The following MRPL22 variants were observed in gnomAD, a reference collection of about 807,000 sequenced individuals.
The protein encoded by MRPL22 is large ribosomal subunit protein uL22m.
A neutral mutation model predicts 32.4 loss-of-function variants in MRPL22; 27 were observed. The ratio of observed to expected loss-of-function variants is 0.83; its 90% CI spans 0.61 to 1.15. The LOEUF is 1.15. Ranked by LOEUF, MRPL22 falls within the 50% of genes most tolerant of loss-of-function variation. The pLI is 0.00. For synonymous variants in MRPL22, 86 were observed against 87.3 expected (o/e 0.99, Z 0.08); for missense variants, 239 against 260.2 (o/e 0.92, Z 0.56).
At position 154,954,856 on chromosome 5, in the gene MRPL22, A is replaced by G. The variant is rs188894409; in HGVS notation, c.196-1515A>G. Among the ~76,000 whole-genome samples the G allele has an allele frequency of 9.4e-3, 1,424 of 152,160 alleles. 20 individuals carry two copies. The highest frequency in any genetic ancestry group is 0.016 in the Non-Finnish European group (1,087 of 67,984). On this transcript the variant is annotated intron_variant, in intron 3 of 6. Transcript: ENST00000523037. Reference sequence around the variant, plus strand: ...GCCCAGGCTGGAGTGCAGTGGCGCAATCTCAGCTCACTACAAGCTCCACCT... The same window carrying G: ...GCCCAGGCTGGAGTGCAGTGGCGCAGTCTCAGCTCACTACAAGCTCCACCT...
chr5:154,966,973 G>A lies in MRPL22; in HGVS notation c.*76G>A. Reference sequence around the variant, plus strand: ...AAATAAACAAAAATTGAAGGCAAATGCTTTTTATGATTTCTCATTGAATTA... The same window carrying A: ...AAATAAACAAAAATTGAAGGCAAATACTTTTTATGATTTCTCATTGAATTA... On this transcript the variant is annotated 3_prime_UTR_variant, in exon 7 of 7. Transcript: ENST00000523037. The A allele has an allele frequency of 7.3e-7, 1 of 1,378,098 alleles. No homozygotes were observed. Among genetic ancestry groups the A allele is most frequent in the Non-Finnish European group, 9.8e-7 (1 of 1,016,456 alleles). The allele number at this position is 1,378,098 out of a possible 1,614,324, so 85.4% of individuals were successfully genotyped here. A position where few individuals can be genotyped will look rare whatever the true frequency, so the allele number is the denominator to read the frequency against.
chr5:154,960,475 C>T (rs1582694508), intron 6 of MRPL22, among the ~76,000 whole-genome samples: 1 of 152,154 alleles, frequency 6.6e-6, no homozygotes, highest in East Asian at 1.9e-4. Context: ...TAAAGGTGTC[C>T]TGTAATTTAA....
intron 2 of MRPL22, among the ~76,000 whole-genome samples, chr5:154,943,678 A>C (rs932617439): frequency 6.8e-6 from 1 of 146,316 alleles, no homozygotes; most frequent in South Asian, 2.1e-4. Context: ...AGATATTAAA[A>C]TTTTTTTTTT....
intron 3 of MRPL22, among the ~76,000 whole-genome samples, chr5:154,951,882 ATT>A (rs34804035): frequency 8.1e-5 from 10 of 123,064 alleles, no homozygotes; most frequent in Non-Finnish European, 7.0e-5. Context: ...GAAATCACGT[ATT>A]TTTTTTTTTT....
intron 4 of MRPL22, 150 bp downstream of exon 4, chr5:154,956,586 C>T: frequency 1.7e-6 from 1 of 598,742 alleles, no homozygotes. Context: ...AATGATTGTT[C>T]AGAGATGTAT....
At chr5:154,952,893 G>A (rs1368638845) in intron 3 of MRPL22, among the ~76,000 whole-genome samples, 1 of 152,108 alleles carries the variant, frequency 6.6e-6, no homozygotes, top group Non-Finnish European at 1.5e-5. Context: ...AAATAACAGT[G>A]GATGGGATAG....
intron 2 of MRPL22, among the ~76,000 whole-genome samples, chr5:154,946,785 C>T (rs570944269): frequency 2.0e-5 from 3 of 152,304 alleles, no homozygotes; most frequent in African/African-American, 7.2e-5. Flanking sequence ...CGCACCATTG[C>T]ATTCCAGCCT....
intron 5 of MRPL22, 88 bp downstream of exon 5, chr5:154,957,300 T>G: frequency 9.1e-7 from 1 of 1,103,582 alleles, no homozygotes; most frequent in Admixed American, 2.0e-5. Flanking sequence ...GCCTAAATCA[T>G]GAATTCCCTA....
At chr5:154,944,110 G>A (rs1274182860) in intron 2 of MRPL22, among the ~76,000 whole-genome samples, 2 of 152,098 alleles carry the variant, frequency 1.3e-5, no homozygotes, top group African/African-American at 2.4e-5. Context: ...GGTGCAGGCC[G>A]CCATACCTGG....
chr5:154,965,876 C>T (rs1339953225), intron 6 of MRPL22, among the ~76,000 whole-genome samples: 1 of 151,986 alleles, frequency 6.6e-6, no homozygotes, highest in Non-Finnish European at 1.5e-5. Context: ...GGTGTTTGCC[C>T]AGGATGTAAT....
intron 6 of MRPL22, among the ~76,000 whole-genome samples, chr5:154,964,922 G>T (rs1267059871): frequency 6.6e-6 from 1 of 152,146 alleles, no homozygotes; most frequent in Non-Finnish European, 1.5e-5. Flanking sequence ...GTTCTTATTT[G>T]TAGGTTTCCT....
Position 154,967,954 on chromosome 5 carries a change from A to G in MRPL22, c.*1057A>G, listed in dbSNP as rs1764790791. The G allele has an allele frequency of 6.6e-6, 1 of 152,218 alleles. No individual in the cohort carries two copies. Among genetic ancestry groups the G allele is most frequent in the Non-Finnish European group, 1.5e-5 (1 of 68,036 alleles). 9.4% of individuals were successfully genotyped at this position (152,218 alleles called of 1,614,324 possible). The stretch of plus-strand genomic sequence containing the variant: ...TGAGAATACGGCTTTAGGAGAATGA[A>G]AAAATGTAGTTTTATTGCCATGTTT... On this transcript the variant is annotated 3_prime_UTR_variant, in exon 7 of 7. Transcript: ENST00000523037. This position sits in a 1 kb window ranked among gnomAD's most constrained non-coding sequence, Gnocchi z 4.7.
At chr5:154,960,780 G>A (rs1219429863) in intron 6 of MRPL22, among the ~76,000 whole-genome samples, 1 of 152,154 alleles carries the variant, frequency 6.6e-6, no homozygotes, top group Non-Finnish European at 1.5e-5. Context: ...CCAACACCAT[G>A]GGAAAGTGGA....
chr5:154,941,885 G>T (rs567759349), intron 2 of MRPL22, among the ~76,000 whole-genome samples: 1 of 152,118 alleles, frequency 6.6e-6, no homozygotes, highest in Non-Finnish European at 1.5e-5. Flanking sequence ...TAAAAAATCG[G>T]TATTTGAAAA....
At chr5:154,954,044 C>T (rs1764600683) in intron 3 of MRPL22, among the ~76,000 whole-genome samples, 1 of 149,588 alleles carries the variant, frequency 6.7e-6, no homozygotes, top group Non-Finnish European at 1.5e-5. Context: ...GGCTAGAGCA[C>T]AGTTGTGCAG....
At chr5:154,956,858 C>T (rs1330596421) in intron 4 of MRPL22, 1 of 394,618 alleles carries the variant, frequency 2.5e-6, no homozygotes, top group African/African-American at 2.0e-5. Flanking sequence ...CCTTGAATGC[C>T]TAGTGTGGTT....
intron 2 of MRPL22, among the ~76,000 whole-genome samples, chr5:154,947,264 T>G (rs367781530): frequency 4.5e-4 from 68 of 152,342 alleles, no homozygotes; most frequent in African/African-American, 1.5e-3. Context: ...GAGTTAGGAT[T>G]TAGACCAAGG....
intron 6 of MRPL22, among the ~76,000 whole-genome samples, chr5:154,966,210 A>G (rs1764764547): frequency 6.6e-6 from 1 of 152,124 alleles, no homozygotes; most frequent in Non-Finnish European, 1.5e-5. Flanking sequence ...CATTCCCACC[A>G]TTGGGCCTTT....
chr5:154,951,711 AT>A (rs1764564130), intron 3 of MRPL22, among the ~76,000 whole-genome samples: 1 of 151,502 alleles, frequency 6.6e-6, no homozygotes, highest in African/African-American at 2.4e-5. Flanking sequence ...TAATTTTTGT[AT>A]TTTTAGTAGA....
Sources: allele counts gnomAD v4.1 joint callset (sites outside exome capture counted in the v4.1 genomes callset), GRCh38; gene constraint gnomAD v4.1.1; non-coding constraint Gnocchi (gnomAD v3.1); transcripts MANE v1.5; gene names NCBI Gene and HGNC (gene_info 2026-07-23, HGNC 2026-07-21).